The following MEPCE variants were observed in gnomAD, a reference collection of about 807,000 sequenced individuals.
The protein encoded by MEPCE is methylphosphate capping enzyme, also known as 7SK snRNA methylphosphate capping enzyme.
MEPCE carries 9 observed loss-of-function variants against 52.3 expected under a neutral mutation model. The ratio of observed to expected loss-of-function variants is 0.17; its 90% confidence interval spans 0.10 to 0.30. The LOEUF is 0.30. MEPCE is among the 10% of genes least tolerant of loss of function. The probability of loss-of-function intolerance (pLI) is 1.00; values close to 1 mark genes in which losing one functional copy is unlikely to be tolerated. For synonymous variants in MEPCE, 477 were observed against 401.6 expected (o/e 1.19, Z -2.25); for missense variants, 826 against 933.0 (o/e 0.89, Z 1.49).
Position 100,433,760 on chromosome 7 carries a change from A to G in MEPCE, c.*206A>G. The stretch of plus-strand genomic sequence containing the variant: ...TGCGCAGCAAGGCTGGCTGTGCTGG[A>G]GTCACCATCATCTTCCTCTCCCCCA... On this transcript the variant is annotated 3_prime_UTR_variant, in exon 4 of 4. Transcript: ENST00000310512. 1 of 598,482 alleles carries G rather than the reference A, an allele frequency of 1.7e-6. No homozygotes were observed. The highest frequency in any genetic ancestry group is 2.9e-6 in the Non-Finnish European group (1 of 339,986). The allele number at this position is 598,482 out of a possible 1,614,324, so 37.1% of individuals were successfully genotyped here.
chr7:100,429,234 T>G (rs1163791359), upstream of MEPCE: 1 of 152,162 alleles, frequency 6.6e-6, no homozygotes, highest in African/African-American at 2.4e-5. Flanking sequence ...CCCCTCCGGA[T>G]CGCGCTGACG....
At chr7:100,433,189 G>A (rs182979992) in intron 2 of MEPCE, 52 bp downstream of exon 2, 7 of 1,613,150 alleles carry the variant, frequency 4.3e-6, no homozygotes, top group Non-Finnish European at 5.9e-6. Flanking sequence ...GCAAGAAAAG[G>A]CCCCGAGGTG....
Position 100,431,684 on chromosome 7 carries a change from G to T in MEPCE, c.1666G>T (p.Val556Phe). Residue 556 changes from valine (V) to phenylalanine (F), a missense_variant, in exon 1 of 4, where the codon GTC (valine) becomes TTC (phenylalanine). Around this residue, in one of 7 missense-constraint regions of MEPCE, gnomAD observed 107 missense variants for 157.9 expected, o/e 0.68. Transcript: ENST00000310512. ...AGTCTTCCCCAACAATGTTGTCTTC[G>T]TCACGGTAAGAGGGTCCAGAGGCTC... Reference protein sequence around the residue: ...TSVFPNNVVFVTGNYVLDRDD... With the variant: ...TSVFPNNVVFFTGNYVLDRDD... The T allele has an allele frequency of 6.3e-7, 1 of 1,587,592 alleles. No individual in the cohort carries two copies.
chr7:100,433,733 C>T lies in MEPCE; in HGVS notation c.*179C>T, dbSNP rs1160183631. The T allele has an allele frequency of 3.1e-6, 2 of 644,096 alleles. No individual in the cohort carries two copies. Among genetic ancestry groups the T allele is most frequent in the East Asian group, 2.7e-5 (1 of 36,382 alleles). The allele number at this position is 644,096 out of a possible 1,614,324, so 39.9% of individuals were successfully genotyped here. A position where few individuals can be genotyped will look rare whatever the true frequency, so the allele number is the denominator to read the frequency against. On this transcript the variant is annotated 3_prime_UTR_variant, in exon 4 of 4. Coordinates refer to ENST00000310512, the MANE Select transcript of MEPCE (RefSeq NM_019606.6). ...CAGCCTCCTCCCTATGCCTCTGGCA[C>T]CTGCGCAGCAAGGCTGGCTGTGCTG...
intron 1 of MEPCE, 82 bp from the exon 2 acceptor site, chr7:100,432,837 G>A: frequency 4.8e-6 from 6 of 1,256,474 alleles, no homozygotes; most frequent in Admixed American, 3.4e-5. Flanking sequence ...CCGCGGGACT[G>A]TATCGGCCTC....
chr7:100,429,845 TCG>T lies in MEPCE; in HGVS notation c.-171_-170del, dbSNP rs1798512708. On this transcript the variant is annotated 5_prime_UTR_variant, in exon 1 of 4. Transcript: ENST00000310512. ...GTCTCGCGGGCCTCTTGTTTTGGTC[TCG>T]CGGGCTAGTAGGGCGCACTTGGCGG... The T allele has an allele frequency of 2.1e-6, 1 of 483,560 alleles. No homozygotes were observed. The highest frequency in any genetic ancestry group is 3.3e-6 in the Non-Finnish European group (1 of 305,342). 30.0% of individuals were successfully genotyped at this position (483,560 alleles called of 1,614,324 possible). A position where few individuals can be genotyped will look rare whatever the true frequency, so the allele number is the denominator to read the frequency against.
Position 100,430,513 on chromosome 7 carries a change from G to T in MEPCE, c.495G>T (p.Pro165=). 6.3e-7 allele frequency: 1 copy of T among 1,581,720 alleles called. No individual in the cohort carries two copies. ...GAGGCGGGGGAGGCTTCAAACATCCGGCCTTCAAGAGGCGCAGGCGGGTGA... is the reference window on the plus strand; with the variant it reads ...GAGGCGGGGGAGGCTTCAAACATCCTGCCTTCAAGAGGCGCAGGCGGGTGA... ...VGGGGGGFKH[P]AFKRRRRVNS... Residue 165 remains proline (P), a synonymous_variant, in exon 1 of 4, where the codon CCG becomes CCT. Transcript: ENST00000310512.
In MEPCE at chr7:100,430,449, G is replaced by A. The variant is rs1007677513; in HGVS notation, c.431G>A (p.Gly144Glu). The A allele has an allele frequency of 1.9e-6, 3 of 1,556,968 alleles. No individual in the cohort carries two copies. Among genetic ancestry groups the A allele is most frequent in the Non-Finnish European group, 2.6e-6 (3 of 1,154,440 alleles). Reference protein sequence around the residue: ...NGYQPHRPPGGGGGKRRNSCN... With the variant: ...NGYQPHRPPGEGGGKRRNSCN... ...TATCAGCCCCACCGGCCACCTGGGG[G>A]GGGCGGGGGCAAGAGGAGAAATAGC... The change falls in exon 1 of 4, where the codon GGG (glycine) becomes GAG (glutamate). Residue 144 changes from glycine to glutamate, a missense_variant. Gly to Glu is a moderately conservative substitution (Grantham distance 98). Coordinates refer to ENST00000310512, the MANE Select transcript of MEPCE (RefSeq NM_019606.6).
chr7:100,431,656 A>T lies in MEPCE; in HGVS notation c.1638A>T (p.Thr546=), dbSNP rs1170647942. 6.2e-7 allele frequency: 1 copy of T among 1,601,022 alleles called. No homozygotes were observed. The highest frequency in any genetic ancestry group is 8.5e-7 in the Non-Finnish European group (1 of 1,178,428). The change falls in exon 1 of 4, where the codon ACA becomes ACT. Residue 546 remains threonine, a synonymous_variant. Coordinates refer to ENST00000310512, the MANE Select transcript of MEPCE (RefSeq NM_019606.6). ...APQVPLDGAD[T]SVFPNNVVFV... ...AAGTGCCCTTGGATGGAGCGGACAC[A>T]TCAGTCTTCCCCAACAATGTTGTCT...
chr7:100,433,533 G>C lies in MEPCE; in HGVS notation c.2049G>C (p.Lys683Asn). The C allele has an allele frequency of 6.2e-7, 1 of 1,613,456 alleles. No individual in the cohort carries two copies. Among genetic ancestry groups the C allele is most frequent in the Non-Finnish European group, 8.5e-7 (1 of 1,180,014 alleles). ...AGCGTCCTGTGTACCTGTTCCACAA[G>C]GCCCGATCCCCCAGCCACTAAGTGG... ...GFQRPVYLFHKARSPSH is the reference protein window; with the variant it reads ...GFQRPVYLFHNARSPSH The change falls in exon 4 of 4, where the codon AAG becomes AAC. Residue 683 changes from lysine (K) to asparagine (N), a missense_variant. Lys to Asn is a moderately conservative substitution (Grantham distance 94). This residue lies in a region of MEPCE where 82 missense variants were observed against 121.4 expected (regional missense o/e 0.68). Coordinates refer to ENST00000310512, the MANE Select transcript of MEPCE (RefSeq NM_019606.6).
Position 100,430,300 on chromosome 7 carries a change from G to T in MEPCE, c.282G>T (p.Ser94=). ...QHRGGGPQAQ[S]HGEARLSDPP... is the part of the protein sequence containing the mutation. Reference sequence around the variant, plus strand: ...GAGGGGGCGGCCCCCAGGCGCAGTCGCATGGGGAGGCCCGCCTGTCGGATC... The same window carrying T: ...GAGGGGGCGGCCCCCAGGCGCAGTCTCATGGGGAGGCCCGCCTGTCGGATC... The change falls in exon 1 of 4, where the codon TCG becomes TCT. Residue 94 remains serine, a synonymous_variant. Transcript: ENST00000310512. The T allele has an allele frequency of 7.1e-7, 1 of 1,415,968 alleles. No homozygotes were observed. The highest frequency in any genetic ancestry group is 9.2e-7 in the Non-Finnish European group (1 of 1,088,762). The allele number at this position is 1,415,968 out of a possible 1,614,324, so 87.7% of individuals were successfully genotyped here. A position where few individuals can be genotyped will look rare whatever the true frequency, so the allele number is the denominator to read the frequency against.
Position 100,432,916 on chromosome 7 carries a change from C to T in MEPCE, c.1672-3C>T. 6.2e-7 allele frequency: 1 copy of T among 1,613,688 alleles called. No homozygotes were observed. The highest frequency in any genetic ancestry group is 8.5e-7 in the Non-Finnish European group (1 of 1,179,710). ...TGACCTCACTGCCGATTCTTGCCCT[C>T]AGGGTAATTATGTGCTGGATCGAGA... On this transcript the variant is annotated splice_polypyrimidine_tract_variant and splice_region_variant and intron_variant, in intron 1 of 3. Coordinates refer to ENST00000310512, the MANE Select transcript of MEPCE (RefSeq NM_019606.6).
rs867868928 is a variant in MEPCE at position 100,431,423 on chromosome 7, C to T, written c.1405C>T (p.Arg469Cys). 1 of 1,613,996 alleles carries T rather than the reference C, an allele frequency of 6.2e-7. No individual in the cohort carries two copies. Among genetic ancestry groups the T allele is most frequent in the Non-Finnish European group, 8.5e-7 (1 of 1,180,058 alleles). The change falls in exon 1 of 4, where the codon CGC becomes TGC. Residue 469 changes from arginine (R) to cysteine (C), a missense_variant. Arg to Cys is a radical substitution (Grantham distance 180, BLOSUM62 -3). Around this residue, in one of 7 missense-constraint regions of MEPCE, gnomAD observed 107 missense variants for 157.9 expected, o/e 0.68. Transcript: ENST00000310512. ...LSIACKWGPS[R>C]MVGLDIDSRL... Reference sequence around the variant, plus strand: ...CATTGCCTGCAAGTGGGGCCCGTCCCGCATGGTGGGCCTGGATATCGATTC... The same window carrying T: ...CATTGCCTGCAAGTGGGGCCCGTCCTGCATGGTGGGCCTGGATATCGATTC...
rs1256377268 is a variant in MEPCE at position 100,431,489 on chromosome 7, C to G, written c.1471C>G (p.Leu491Val). The G allele has an allele frequency of 6.2e-7, 1 of 1,613,668 alleles. No homozygotes were observed. The highest frequency in any genetic ancestry group is 1.1e-5 in the South Asian group (1 of 91,080). Residue 491 changes from leucine to valine, a missense_variant, in exon 1 of 4, where the codon CTT (leucine) becomes GTT (valine). By Grantham distance (32) the Leu-to-Val change is conservative. Transcript: ENST00000310512. ...TGCCCGCCAAAACATCCGACACTAC[C>G]TTTCCGAGGAGCTGCGTCTCCCACC... The part of the protein sequence containing the change: ...HSARQNIRHY[L>V]SEELRLPPQT...
At chr7:100,431,782 A>C in intron 1 of MEPCE, 93 bp downstream of exon 1, 2 of 1,240,364 alleles carry the variant, frequency 1.6e-6, no homozygotes, top group Non-Finnish European at 2.2e-6. Flanking sequence ...CCAGATCCTC[A>C]AAAGAGGGGT....
Position 100,431,074 on chromosome 7 carries a change from C to A in MEPCE, c.1056C>A (p.Ile352=). The change falls in exon 1 of 4, where the codon ATC becomes ATA. Residue 352 remains isoleucine, a synonymous_variant. Coordinates refer to ENST00000310512, the MANE Select transcript of MEPCE (RefSeq NM_019606.6). Reference sequence around the variant, plus strand: ...CAGCCCCTCCAGCTGCCTCAGTTATCTCTGCACCCCCATCTTCCTCCTCCC... The same window carrying A: ...CAGCCCCTCCAGCTGCCTCAGTTATATCTGCACCCCCATCTTCCTCCTCCC... ...SLSAPPAASV[I]SAPPSSSSRH... is the part of the protein sequence containing the mutation. The A allele has an allele frequency of 6.2e-7, 1 of 1,613,852 alleles. No homozygotes were observed. Among genetic ancestry groups the A allele is most frequent in the South Asian group, 1.1e-5 (1 of 91,092 alleles).
At chr7:100,432,225 T>C (rs1299665216) in intron 1 of MEPCE, among the ~76,000 whole-genome samples, 1 of 152,142 alleles carries the variant, frequency 6.6e-6, no homozygotes, top group Admixed American at 6.5e-5. Context: ...TGGCTGTAGA[T>C]CCTCTCCACA....
intron 1 of MEPCE, 43 bp from the exon 2 acceptor site, chr7:100,432,876 T>A: frequency 1.3e-6 from 2 of 1,587,496 alleles, no homozygotes; most frequent in Non-Finnish European, 1.7e-6. Flanking sequence ...GCAGGGGTTC[T>A]TTGATTCCCT....
rs1188288256 is a variant in MEPCE, at chr7:100,433,895, G to A, written c.*341G>A. 1 of 253,808 alleles carries A rather than the reference G, an allele frequency of 3.9e-6. No individual in the cohort carries two copies. The highest frequency in any genetic ancestry group is 2.5e-5 in the African/African-American group (1 of 39,974). The allele number at this position is 253,808 out of a possible 1,614,324, so 15.7% of individuals were successfully genotyped here. ...CCCTTTCCTCCTATTCTCCCAAGGA[G>A]AGAGATTCCCATTTCTCCTCGGCCA... On this transcript the variant is annotated 3_prime_UTR_variant, in exon 4 of 4. Coordinates refer to ENST00000310512, the MANE Select transcript of MEPCE (RefSeq NM_019606.6).
Sources: allele counts gnomAD v4.1 joint callset (sites outside exome capture counted in the v4.1 genomes callset), GRCh38; gene constraint gnomAD v4.1.1; regional missense constraint gnomAD v4.1.1; transcripts MANE v1.5; gene names NCBI Gene and HGNC (gene_info 2026-07-23, HGNC 2026-07-21).